Variants in CYSLTR2 observed in about 807,000 individuals in gnomAD.
The protein encoded by CYSLTR2 is G-protein coupled receptor GPCR21.
For missense variants in CYSLTR2, 398 were observed against 411.9 expected (o/e 0.97, Z 0.29); for synonymous variants, 179 against 160.8 (o/e 1.11, Z -0.86).
At chr13:48,680,795 CTTTTCTTTTTTTT>C (rs1238634779) in intron 1 of CYSLTR2, among the ~76,000 whole-genome samples, 7 of 110,612 alleles carry the variant, frequency 6.3e-5, no homozygotes, top group Non-Finnish European at 1.2e-4. Context: ...CTTTTCTTTT[CTTTTCTTTTTTTT>C]TTTTTTTTTT....
intron 1 of CYSLTR2, among the ~76,000 whole-genome samples, chr13:48,681,011 T>C (rs1020610860): frequency 6.6e-6 from 1 of 152,100 alleles, no homozygotes; most frequent in East Asian, 1.9e-4. Context: ...TGTTTGTATA[T>C]ATATTTTTTT....
At chr13:48,673,381 A>T in intron 1 of CYSLTR2, among the ~76,000 whole-genome samples, 1 of 117,866 alleles carries the variant, frequency 8.5e-6, no homozygotes, top group African/African-American at 3.2e-5. Context: ...GCCTTTTTTG[A>T]TCTTTGTTGG....
chr13:48,705,649 A>G (rs575892540), intron 4 of CYSLTR2, among the ~76,000 whole-genome samples: 1 of 149,188 alleles, frequency 6.7e-6, no homozygotes, highest in African/African-American at 2.4e-5. Context: ...ATATCTTATG[A>G]TAGTCTATTA....
chr13:48,687,636 G>A (rs1330760020), intron 1 of CYSLTR2, among the ~76,000 whole-genome samples: 1 of 152,042 alleles, frequency 6.6e-6, no homozygotes, highest in Admixed American at 6.6e-5. Flanking sequence ...AAAACACATA[G>A]TATGCAACAC....
intron 1 of CYSLTR2, among the ~76,000 whole-genome samples, chr13:48,667,294 C>A (rs368482680): frequency 1.3e-5 from 2 of 152,192 alleles, no homozygotes; most frequent in East Asian, 3.8e-4. Context: ...GATGGGTCAA[C>A]GAACTATGGG....
rs577504698 is a variant in CYSLTR2 at position 48,696,423 on chromosome 13, T to G, written c.-102-103T>G. Reference sequence around the variant, plus strand: ...TTGACAAGCTCCAATTTATCAATTTTTTCTTTTATGGATCATGTTTTTGGT... The same window carrying G: ...TTGACAAGCTCCAATTTATCAATTTGTTCTTTTATGGATCATGTTTTTGGT... On this transcript the variant is annotated intron_variant, in intron 3 of 4. Transcript: ENST00000682523. The G allele has an allele frequency of 1.1e-4, 17 of 152,328 alleles. No individual in the cohort carries two copies. The South Asian group carries it at 2.7e-3, about 24-fold the overall frequency. 9.4% of individuals were successfully genotyped at this position (152,328 alleles called of 1,614,324 possible). A position where few individuals can be genotyped will look rare whatever the true frequency, so the allele number is the denominator to read the frequency against.
chr13:48,703,314 G>A lies in CYSLTR2; in HGVS notation c.-1-3503G>A, dbSNP rs188782210. The stretch of plus-strand genomic sequence containing the variant: ...TATATGATATTTATTTCCTTTTTGT[G>A]TTTTTGCCTCATTTCACTGGTTAGA... On this transcript the variant is annotated intron_variant, in intron 4 of 4. Coordinates refer to ENST00000682523, the MANE Select transcript of CYSLTR2 (RefSeq NM_001308476.3). Among the ~76,000 whole-genome samples the A allele has an allele frequency of 4.9e-3, 739 of 152,066 alleles. 4 individuals are homozygous for A. Among genetic ancestry groups the A allele is most frequent in the Non-Finnish European group, 7.3e-3 (498 of 67,972 alleles).
chr13:48,695,391 T>TTCTTTC (rs71076042), intron 3 of CYSLTR2, among the ~76,000 whole-genome samples: 17 of 138,686 alleles, frequency 1.2e-4, no homozygotes, highest in African/African-American at 2.0e-4. Context: ...CTTTCTTTCT[T>TTCTTTC]TCTCTCTCTC....
At chr13:48,670,995 T>C (rs1347178907) in intron 1 of CYSLTR2, among the ~76,000 whole-genome samples, 2 of 152,194 alleles carry the variant, frequency 1.3e-5, no homozygotes, top group African/African-American at 4.8e-5. Flanking sequence ...GTCTTTCACA[T>C]CTCTTGTAAG....
chr13:48,682,201 T>C (rs1953774385), intron 1 of CYSLTR2, among the ~76,000 whole-genome samples: 1 of 152,186 alleles, frequency 6.6e-6, no homozygotes, highest in African/African-American at 2.4e-5. Context: ...TTTGCTTTAT[T>C]GACCTGGCTT....
intron 1 of CYSLTR2, among the ~76,000 whole-genome samples, chr13:48,690,372 T>C (rs1954007432): frequency 6.6e-6 from 1 of 152,208 alleles, no homozygotes; most frequent in African/African-American, 2.4e-5. Flanking sequence ...CCATTCAGTA[T>C]GATATTGGCT....
chr13:48,680,633 C>T lies in CYSLTR2; in HGVS notation c.-265-10579C>T, dbSNP rs557574277. On this transcript the variant is annotated intron_variant, in intron 1 of 4. Coordinates refer to ENST00000682523, the MANE Select transcript of CYSLTR2 (RefSeq NM_001308476.3). Reference sequence around the variant, plus strand: ...AGCTGTGCACATGCTCACTCCTCTCCCATTAAGGCCGTGGAAATTATGCTG... The same window carrying T: ...AGCTGTGCACATGCTCACTCCTCTCTCATTAAGGCCGTGGAAATTATGCTG... Among the ~76,000 whole-genome samples, 18 of 152,252 alleles carry T rather than the reference C, an allele frequency of 1.2e-4. No homozygotes were observed. In the South Asian group the frequency reaches 3.5e-3, roughly 30 times the overall value.
chr13:48,677,197 GA>G (rs1250476601), intron 1 of CYSLTR2, among the ~76,000 whole-genome samples: 2 of 152,192 alleles, frequency 1.3e-5, no homozygotes, highest in Non-Finnish European at 2.9e-5. Context: ...GGAAGTTTGA[GA>G]AGAGAACAGT....
intron 3 of CYSLTR2, among the ~76,000 whole-genome samples, chr13:48,693,954 G>A (rs577307926): frequency 1.3e-5 from 2 of 152,296 alleles, no homozygotes; most frequent in East Asian, 1.9e-4. Context: ...TGTCCTTGGT[G>A]AAACTGTGCC....
chr13:48,678,794 C>T (rs1953669730), intron 1 of CYSLTR2, among the ~76,000 whole-genome samples: 1 of 152,114 alleles, frequency 6.6e-6, no homozygotes, highest in Non-Finnish European at 1.5e-5. Flanking sequence ...TTTTCCCTGA[C>T]CCTCTATATT....
At chr13:48,677,644 T>A (rs1268219333) in intron 1 of CYSLTR2, among the ~76,000 whole-genome samples, 3 of 151,810 alleles carry the variant, frequency 2.0e-5, no homozygotes, top group Non-Finnish European at 2.9e-5. Flanking sequence ...AGAGTAAGAG[T>A]CAAGGTGACC....
intron 4 of CYSLTR2, among the ~76,000 whole-genome samples, chr13:48,705,330 G>A (rs1051296196): frequency 3.3e-5 from 5 of 151,762 alleles, no homozygotes; most frequent in African/African-American, 7.3e-5. Flanking sequence ...TGTTATAGGC[G>A]GTACATAATT....
At position 48,699,320 on chromosome 13, in the gene CYSLTR2, G is replaced by A. The variant is rs538655942; in HGVS notation, c.-2+2694G>A. On this transcript the variant is annotated intron_variant, in intron 4 of 4. Transcript: ENST00000682523. Reference sequence around the variant, plus strand: ...AAAAGAACAGAAATTATAACAAACTGTCTCTCAGACCACAGTGCAATCAAA... The same window carrying A: ...AAAAGAACAGAAATTATAACAAACTATCTCTCAGACCACAGTGCAATCAAA... Among the ~76,000 whole-genome samples the A allele has an allele frequency of 5.3e-5, 8 of 152,256 alleles. No homozygotes were observed. In the East Asian group the frequency reaches 1.3e-3, roughly 26 times the overall value.
At chr13:48,668,050 A>T (rs966561078) in intron 1 of CYSLTR2, among the ~76,000 whole-genome samples, 1 of 152,152 alleles carries the variant, frequency 6.6e-6, no homozygotes, top group Non-Finnish European at 1.5e-5. Flanking sequence ...GATGTTTACC[A>T]AGTTCCCTCA....
Sources: allele counts gnomAD v4.1 joint callset (sites outside exome capture counted in the v4.1 genomes callset), GRCh38; gene constraint gnomAD v4.1.1; transcripts MANE v1.5; gene names NCBI Gene and HGNC (gene_info 2026-07-23, HGNC 2026-07-21).